NXPH1: variants seen among roughly 807,000 people sequenced by gnomAD.
NXPH1 encodes neurexophilin-1.
NXPH1 carries 5 observed loss-of-function variants against 23.7 expected under a neutral mutation model. The ratio of observed to expected loss-of-function variants is 0.21; its 90% CI spans 0.11 to 0.44. The LOEUF is 0.44. NXPH1 is among the 20% of genes least tolerant of loss of function. The pLI is 0.99. For missense variants in NXPH1, 324 were observed against 321.6 expected, an observed-to-expected ratio of 1.01 and a Z score of -0.06; for synonymous variants, 144 against 122.2, an observed-to-expected ratio of 1.18 and a Z score of -1.18.
intron 2 of NXPH1, among the ~76,000 whole-genome samples, chr7:8,659,898 C>T (rs1308296802): frequency 1.3e-5 from 2 of 152,098 alleles, no homozygotes; most frequent in African/African-American, 4.8e-5. Flanking sequence ...ACTTATCATC[C>T]AGTGCTAGGG....
At position 8,442,014 on chromosome 7, in the gene NXPH1, G is replaced by T. The variant is rs570834897; in HGVS notation, c.54+6247G>T. Among the ~76,000 whole-genome samples, 2 of 152,098 alleles carry T rather than the reference G, an allele frequency of 1.3e-5. No homozygotes were observed. Among genetic ancestry groups the T allele is most frequent in the African/African-American group, 2.4e-5 (1 of 41,404 alleles). ...TCCTTAGGCGTCTAGTCAGGGGTTC[G>T]GGGTGGTGGAAAGCGAGATGGCGTT... On this transcript the variant is annotated intron_variant, in intron 2 of 2. Transcript: ENST00000405863. This position sits in a 1 kb window ranked among gnomAD's most constrained non-coding sequence, Gnocchi z 4.6.
At chr7:8,509,510 C>T (rs1451097805) in intron 2 of NXPH1, among the ~76,000 whole-genome samples, 1 of 152,000 alleles carries the variant, frequency 6.6e-6, no homozygotes, top group East Asian at 1.9e-4. Flanking sequence ...TACCTAAGGT[C>T]TCCAGCAATT....
intron 2 of NXPH1, among the ~76,000 whole-genome samples, chr7:8,513,501 T>C (rs1258498523): frequency 6.6e-6 from 1 of 152,172 alleles, no homozygotes; most frequent in Non-Finnish European, 1.5e-5. Flanking sequence ...TACATCCTGC[T>C]GGAGGTTTTA....
intron 2 of NXPH1, among the ~76,000 whole-genome samples, chr7:8,697,656 G>A (rs1324121234): frequency 1.3e-5 from 2 of 152,164 alleles, no homozygotes; most frequent in Non-Finnish European, 2.9e-5. Context: ...ATGAGATGGG[G>A]AGGATCATGA....
At chr7:8,617,173 A>T (rs781639137) in intron 2 of NXPH1, among the ~76,000 whole-genome samples, 1 of 152,122 alleles carries the variant, frequency 6.6e-6, no homozygotes, top group Non-Finnish European at 1.5e-5. Flanking sequence ...ACACTCTCCA[A>T]TTATCCAGTC....
At chr7:8,737,640 G>A (rs1780284793) in intron 2 of NXPH1, among the ~76,000 whole-genome samples, 1 of 152,098 alleles carries the variant, frequency 6.6e-6, no homozygotes, top group Non-Finnish European at 1.5e-5. Flanking sequence ...GAATATCTTT[G>A]TGGCATTCTC....
chr7:8,734,302 T>C (rs1318400143), intron 2 of NXPH1, among the ~76,000 whole-genome samples: 3 of 152,210 alleles, frequency 2.0e-5, no homozygotes, highest in Non-Finnish European at 4.4e-5. Context: ...TGAAGTCAGG[T>C]AGCGTGATGC....
chr7:8,451,576 A>T (rs1816507523), intron 2 of NXPH1, among the ~76,000 whole-genome samples: 1 of 152,250 alleles, frequency 6.6e-6, no homozygotes, highest in Admixed American at 6.5e-5. Flanking sequence ...TTTGTTTGAT[A>T]GTAAAAAGCA....
chr7:8,511,646 C>T (rs1252492590), intron 2 of NXPH1, among the ~76,000 whole-genome samples: 2 of 152,114 alleles, frequency 1.3e-5, no homozygotes, highest in Non-Finnish European at 2.9e-5. Flanking sequence ...CTCTTCCAAC[C>T]CCCTGGCCCC....
intron 2 of NXPH1, among the ~76,000 whole-genome samples, chr7:8,467,347 T>G (rs1225056377): frequency 1.3e-5 from 2 of 152,152 alleles, no homozygotes; most frequent in East Asian, 3.9e-4. Flanking sequence ...CTTCTGGAAT[T>G]CTCCCTAAGG....
chr7:8,557,036 C>G (rs1339386494), intron 2 of NXPH1, among the ~76,000 whole-genome samples: 1 of 151,630 alleles, frequency 6.6e-6, no homozygotes, highest in Admixed American at 6.6e-5. Flanking sequence ...ATAACACATA[C>G]GCTTAACTCT....
Position 8,452,648 on chromosome 7 carries a change from A to G in NXPH1, c.54+16881A>G, listed in dbSNP as rs576188152. Among the ~76,000 whole-genome samples the G allele has an allele frequency of 3.9e-5, 6 of 152,246 alleles. No individual in the cohort carries two copies. In the East Asian group the frequency reaches 1.2e-3, roughly 29 times the overall value. On this transcript the variant is annotated intron_variant, in intron 2 of 2. Transcript: ENST00000405863. ...GCAAAGCCATTTAGGTATGTGGTGG[A>G]AAGAGGGGAAAAGAAAGCCTTTTCC...
intron 2 of NXPH1, among the ~76,000 whole-genome samples, chr7:8,596,727 A>T (rs942127745): frequency 6.6e-5 from 10 of 152,148 alleles, no homozygotes; most frequent in African/African-American, 2.4e-4. Context: ...CAGAGAGGTT[A>T]GGTGACTTGC....
intron 2 of NXPH1, among the ~76,000 whole-genome samples, chr7:8,672,396 A>C (rs1820885046): frequency 6.6e-6 from 1 of 152,076 alleles, no homozygotes; most frequent in Non-Finnish European, 1.5e-5. Context: ...GGTGCAGCAC[A>C]CCAGTATGGC....
intron 2 of NXPH1, among the ~76,000 whole-genome samples, chr7:8,747,051 G>A (rs1320165864): frequency 3.9e-5 from 6 of 152,098 alleles, no homozygotes; most frequent in Non-Finnish European, 8.8e-5. Flanking sequence ...AGTGTTCCAG[G>A]TACTGTCCTT....
intron 2 of NXPH1, among the ~76,000 whole-genome samples, chr7:8,592,425 T>C (rs1488716507): frequency 6.6e-6 from 1 of 152,084 alleles, no homozygotes; most frequent in African/African-American, 2.4e-5. Context: ...TGTAGGGGCT[T>C]TAGCAGCCAC....
chr7:8,472,621 G>C (rs983465968), intron 2 of NXPH1, among the ~76,000 whole-genome samples: 2 of 152,134 alleles, frequency 1.3e-5, no homozygotes, highest in Non-Finnish European at 2.9e-5. Context: ...GTAGGGAAGA[G>C]AGTCTGGATA....
At chr7:8,462,410 A>G (rs913705197) in intron 2 of NXPH1, among the ~76,000 whole-genome samples, 2 of 152,218 alleles carry the variant, frequency 1.3e-5, no homozygotes, top group Non-Finnish European at 2.9e-5. Context: ...GCACTTTACA[A>G]ATGTTAACTC....
intron 2 of NXPH1, among the ~76,000 whole-genome samples, chr7:8,583,230 G>A (rs574716715): frequency 6.6e-6 from 1 of 152,206 alleles, no homozygotes; most frequent in Non-Finnish European, 1.5e-5. Context: ...TCCCAAAATA[G>A]GTACAGAGAT....
Sources: gnomAD v4.1 joint callset for allele counts (sites outside exome capture counted in the v4.1 genomes callset) on GRCh38, gnomAD v4.1.1 for gene constraint, Gnocchi (gnomAD v3.1) non-coding constraint, MANE v1.5 for transcripts, NCBI Gene and HGNC (gene_info 2026-07-23, HGNC 2026-07-21) for gene names.